ERI1: variants seen among roughly 807,000 people sequenced by gnomAD.
ERI1 encodes 3'-5' exoribonuclease 1.
A neutral mutation model predicts 39.7 loss-of-function variants in ERI1; 39 were observed. That is an observed-to-expected ratio of 0.98 (90% CI 0.76 to 1.28). The LOEUF is 1.28. Among genes scored for constraint, ERI1 ranks in the 50% most tolerant of loss-of-function variants. ERI1 has a pLI of 0.00. For synonymous variants in ERI1, 204 were observed against 149.6 expected, an observed-to-expected ratio of 1.36 and a Z score of -2.65; for missense variants, 581 against 416.9, an observed-to-expected ratio of 1.39 and a Z score of -3.43.
At chr8:9,070,676 A>G (rs1195627222) in intron 3 of ERI1, among the ~76,000 whole-genome samples, 1 of 152,236 alleles carries the variant, frequency 6.6e-6, no homozygotes, top group Non-Finnish European at 1.5e-5. Context: ...TAGTCCACTT[A>G]CGCAGTGGAG....
intron 6 of ERI1, among the ~76,000 whole-genome samples, chr8:9,027,000 A>G (rs1218101904): frequency 6.6e-6 from 1 of 152,182 alleles, no homozygotes; most frequent in African/African-American, 2.4e-5. Context: ...TTGGTGGAGC[A>G]TGTGCTAATT....
chr8:9,017,558 C>T (rs1446736333), intron 4 of ERI1, among the ~76,000 whole-genome samples: 1 of 152,144 alleles, frequency 6.6e-6, no homozygotes, highest in East Asian at 1.9e-4. Context: ...TTGTGGACAT[C>T]TATGAAAAGG....
intron 6 of ERI1, among the ~76,000 whole-genome samples, chr8:9,023,774 T>A (rs1818176523): frequency 6.6e-6 from 1 of 150,802 alleles, no homozygotes; most frequent in African/African-American, 2.4e-5. Flanking sequence ...AAAAACATTT[T>A]TTTTTTAAGT....
At chr8:9,036,563 C>A (rs1797851194), downstream of ERI1, among the ~76,000 whole-genome samples, 1 of 152,114 alleles carries the variant, frequency 6.6e-6, no homozygotes, top group Admixed American at 6.5e-5. Flanking sequence ...CACTGGGGAG[C>A]CAAAACATTT....
intron 3 of ERI1, among the ~76,000 whole-genome samples, chr8:9,082,597 A>T (rs1212820492): frequency 6.6e-6 from 1 of 152,170 alleles, no homozygotes; most frequent in Non-Finnish European, 1.5e-5. Flanking sequence ...TGCTGTGTTG[A>T]AAGGATATTG....
At chr8:9,082,315 C>A (rs1040492599) in intron 3 of ERI1, among the ~76,000 whole-genome samples, 5 of 152,174 alleles carry the variant, frequency 3.3e-5, no homozygotes, top group Non-Finnish European at 2.9e-5. Flanking sequence ...TTATCACTTC[C>A]TTCCTCTGGC....
rs1166197390 is a variant in ERI1, at chr8:9,021,776, T to G, written c.807+1312T>G. ...TGGCTATATTATTTGTTTTTTTTGT[T>G]TTTTTTTTTTTTTCAATATTATGCT... On this transcript the variant is annotated intron_variant, in intron 6 of 6. Transcript: ENST00000250263. Among the ~76,000 whole-genome samples the G allele has an allele frequency of 2.3e-3, 329 of 142,012 alleles. 4 individuals carry two copies. Among genetic ancestry groups the G allele is most frequent in the African/African-American group, 8.3e-3 (316 of 37,972 alleles). 93.2% of individuals were successfully genotyped at this position (142,012 alleles called of 152,430 possible).
chr8:9,009,202 GT>G, intron 2 of ERI1: 1 of 388,848 alleles, frequency 2.6e-6, no homozygotes, highest in South Asian at 1.9e-5. Context: ...AGGCATTGAA[GT>G]TATAAAGGTA....
chr8:9,090,360 C>A (rs1356244471), intron 3 of ERI1, among the ~76,000 whole-genome samples: 3 of 152,140 alleles, frequency 2.0e-5, no homozygotes, highest in African/African-American at 7.2e-5. Flanking sequence ...TTTCAAAGTT[C>A]TCATTGGTTG....
intron 3 of ERI1, among the ~76,000 whole-genome samples, chr8:9,014,093 A>G (rs1012064877): frequency 1.3e-5 from 2 of 152,208 alleles, no homozygotes; most frequent in South Asian, 2.1e-4. Flanking sequence ...CTCAGAGTAC[A>G]ACCAATATTC....
chr8:9,075,205 C>G (rs1585286483), intron 3 of ERI1, among the ~76,000 whole-genome samples: 1 of 152,236 alleles, frequency 6.6e-6, no homozygotes, highest in Non-Finnish European at 1.5e-5. Flanking sequence ...CAAACCAAAA[C>G]ATCTTATCAG....
At chr8:9,023,559 T>C (rs1818147459) in intron 6 of ERI1, among the ~76,000 whole-genome samples, 1 of 152,120 alleles carries the variant, frequency 6.6e-6, no homozygotes, top group Non-Finnish European at 1.5e-5. Flanking sequence ...TGCACCTGTT[T>C]ATTTTGGCCA....
chr8:9,006,544 A>C (rs1342881263), intron 1 of ERI1, among the ~76,000 whole-genome samples: 1 of 152,236 alleles, frequency 6.6e-6, no homozygotes, highest in African/African-American at 2.4e-5. Context: ...ATGATGACTA[A>C]AGATGAAGTT....
intron 5 of ERI1, among the ~76,000 whole-genome samples, chr8:9,019,747 T>TC (rs1233048125): frequency 6.6e-6 from 1 of 152,222 alleles, no homozygotes; most frequent in Non-Finnish European, 1.5e-5. Context: ...TATATCCTGT[T>TC]CCCAGTATAG....
chr8:9,058,950 T>C (rs1029304334), intron 3 of ERI1, among the ~76,000 whole-genome samples: 17 of 152,106 alleles, frequency 1.1e-4, no homozygotes, highest in African/African-American at 3.6e-4. Context: ...CCAAACAGGC[T>C]TTGTGTGAGC....
At chr8:9,019,707 T>G (rs1000194271) in intron 5 of ERI1, among the ~76,000 whole-genome samples, 4 of 152,198 alleles carry the variant, frequency 2.6e-5, no homozygotes, top group Non-Finnish European at 5.9e-5. Context: ...TATAATATAG[T>G]TGACAGTATT....
chr8:9,016,088 G>C (rs1817247115), intron 3 of ERI1, among the ~76,000 whole-genome samples: 2 of 152,068 alleles, frequency 1.3e-5, no homozygotes, highest in South Asian at 4.1e-4. Flanking sequence ...ATTTTGGGTT[G>C]AAATCTTTCA....
rs1368887683 is a variant in ERI1 at position 9,004,185 on chromosome 8, C to G, written c.108+1014C>G. 3.9e-6 allele frequency: 5 copies of G among 1,288,488 alleles called. No individual in the cohort carries two copies. The East Asian group carries it at 1.7e-4, about 43-fold the overall frequency. 79.8% of individuals were successfully genotyped at this position (1,288,488 alleles called of 1,614,324 possible). A position where few individuals can be genotyped will look rare whatever the true frequency, so the allele number is the denominator to read the frequency against. On this transcript the variant is annotated intron_variant, in intron 1 of 6. Transcript: ENST00000250263. ...CCTTTGGATCCTTGCAATTATCTTT[C>G]TCCTTCTAAGGTTGTTATTTCAAAG...
chr8:9,018,693 A>C (rs1232234099), intron 5 of ERI1, among the ~76,000 whole-genome samples: 1 of 152,230 alleles, frequency 6.6e-6, no homozygotes. Flanking sequence ...AAAAAAGTTC[A>C]GACTCTTGAG....
Sources: gnomAD v4.1 joint callset for allele counts (sites outside exome capture counted in the v4.1 genomes callset) on GRCh38, gnomAD v4.1.1 for gene constraint, MANE v1.5 for transcripts, NCBI Gene and HGNC (gene_info 2026-07-23, HGNC 2026-07-21) for gene names.